The following GFRA2 variants were observed in gnomAD, a reference collection of about 807,000 sequenced individuals.
GFRA2 encodes the protein GDNF family receptor alpha 2, also known as GDNF family receptor alpha-2.
GFRA2 carries 17 observed loss-of-function variants against 48.3 expected under a neutral mutation model. The observed-to-expected ratio is 0.35, with a 90% CI of 0.24 to 0.53. The LOEUF is 0.53. GFRA2 is among the 20% of genes least tolerant of loss of function. The probability of loss-of-function intolerance (pLI) is 0.93; values close to 1 mark genes in which losing one functional copy is unlikely to be tolerated. For missense variants in GFRA2, 660 were observed against 637.3 expected (o/e 1.04, Z -0.38); for synonymous variants, 305 against 257.2 (o/e 1.19, Z -1.78).
intron 3 of GFRA2, among the ~76,000 whole-genome samples, chr8:21,762,886 A>G (rs1805980818): frequency 6.6e-6 from 1 of 152,110 alleles, no homozygotes; most frequent in Non-Finnish European, 1.5e-5. Flanking sequence ...GTTGGGTTTA[A>G]TTTTGTATTT....
chr8:21,728,263 A>AG (rs1176804216), intron 4 of GFRA2, among the ~76,000 whole-genome samples: 1 of 91,800 alleles, frequency 1.1e-5, no homozygotes, highest in Non-Finnish European at 2.2e-5. Context: ...TCCGGGAACC[A>AG]GGTTTTTTTT....
chr8:21,778,049 G>A (rs1320640864), intron 2 of GFRA2, among the ~76,000 whole-genome samples: 1 of 152,212 alleles, frequency 6.6e-6, no homozygotes, highest in Non-Finnish European at 1.5e-5. Flanking sequence ...TAAGTCCCAG[G>A]AAGGCGGAGC....
At chr8:21,723,392 T>C (rs1295808978) in intron 4 of GFRA2, among the ~76,000 whole-genome samples, 1 of 151,814 alleles carries the variant, frequency 6.6e-6, no homozygotes, top group Non-Finnish European at 1.5e-5. Flanking sequence ...TGAGTCTAAA[T>C]CCAGACACAA....
intron 7 of GFRA2, 79 bp downstream of exon 7, chr8:21,702,726 C>T (rs552771331): frequency 2.1e-6 from 3 of 1,414,204 alleles, no homozygotes; most frequent in East Asian, 2.6e-5. Context: ...ACCCTCCCTC[C>T]CTGGCCTCAG....
chr8:21,747,723 T>C lies in GFRA2; in HGVS notation c.794+2865A>G, dbSNP rs1805075362. ...CCCAATGCCTCTACTTCTGCCTCCC[T>C]GCCAGGCCGGGCCCACTGCGGTCCA... On this transcript the variant is annotated intron_variant, in intron 4 of 8. Coordinates refer to ENST00000524240, the MANE Select transcript of GFRA2 (RefSeq NM_001495.5). Among the ~76,000 whole-genome samples, 3 of 149,676 alleles carry C rather than the reference T, an allele frequency of 2.0e-5. No homozygotes were observed. In the South Asian group the frequency reaches 6.3e-4, roughly 31 times the overall value.
chr8:21,785,694 A>G (rs1450340690), intron 1 of GFRA2, among the ~76,000 whole-genome samples: 1 of 151,934 alleles, frequency 6.6e-6, no homozygotes, highest in Non-Finnish European at 1.5e-5. Context: ...CAACACCCCC[A>G]CCCGAGTCAC....
At chr8:21,723,003 G>C (rs1803680814) in intron 4 of GFRA2, among the ~76,000 whole-genome samples, 1 of 152,218 alleles carries the variant, frequency 6.6e-6, no homozygotes, top group Non-Finnish European at 1.5e-5. Flanking sequence ...AGAGGAGGCA[G>C]TCACTGGGTC....
chr8:21,749,698 G>C (rs1416767589), intron 4 of GFRA2, among the ~76,000 whole-genome samples: 1 of 151,640 alleles, frequency 6.6e-6, no homozygotes, highest in Non-Finnish European at 1.5e-5. Flanking sequence ...TATAAAGCCA[G>C]CTCACTCTGT....
At chr8:21,766,678 T>TG (rs1411920157) in intron 3 of GFRA2, among the ~76,000 whole-genome samples, 1 of 114,684 alleles carries the variant, frequency 8.7e-6, no homozygotes, top group South Asian at 2.7e-4. Context: ...AACAGGGGCC[T>TG]GGGGGGTCAT....
chr8:21,797,386 G>A, intron 2 of GFRA2: 1 of 137,482 alleles, frequency 7.3e-6, no homozygotes, highest in Non-Finnish European at 1.5e-5. Flanking sequence ...AGCCTCCCCA[G>A]GCTCAGGTGA....
At chr8:21,786,989 C>T (rs1376460195) in intron 1 of GFRA2, among the ~76,000 whole-genome samples, 1 of 151,902 alleles carries the variant, frequency 6.6e-6, no homozygotes, top group Non-Finnish European at 1.5e-5. Flanking sequence ...TCCTTACAAA[C>T]ACACTCACAC....
At chr8:21,742,034 C>A (rs964471684) in intron 4 of GFRA2, among the ~76,000 whole-genome samples, 1 of 151,888 alleles carries the variant, frequency 6.6e-6, no homozygotes, top group African/African-American at 2.4e-5. Flanking sequence ...AGGAAAGCCA[C>A]GTGATGTCAC....
chr8:21,704,115 G>A (rs1057457442), intron 6 of GFRA2, among the ~76,000 whole-genome samples: 20 of 152,216 alleles, frequency 1.3e-4, no homozygotes, highest in African/African-American at 4.6e-4. Flanking sequence ...GCAAGGCTAC[G>A]TGATTGGCAG....
chr8:21,731,547 C>T (rs979283867), intron 4 of GFRA2, among the ~76,000 whole-genome samples: 3 of 152,092 alleles, frequency 2.0e-5, no homozygotes, highest in African/African-American at 7.2e-5. Flanking sequence ...TGGCAGCCTG[C>T]CAGGAATGAG....
rs910109998 is a variant in GFRA2 at position 21,769,459 on chromosome 8, G to A, written c.439+5513C>T. 4.0e-4 allele frequency among the ~76,000 whole-genome samples: 61 copies of A among 152,312 alleles called. No individual in the cohort carries two copies. The East Asian group carries it at 0.011, about 28-fold the overall frequency. On this transcript the variant is annotated intron_variant, in intron 3 of 8. Transcript: ENST00000524240. ...GCACCTAGGGTGCTCCTGTGCCCTG[G>A]CACGCTGCATGCCAGTGCTTGCAGG...
At position 21,782,787 on chromosome 8, in the gene GFRA2, G is replaced by T; in HGVS notation, c.153C>A (p.Ser51=). 6.3e-7 allele frequency: 1 copy of T among 1,586,888 alleles called. No individual in the cohort carries two copies. Among genetic ancestry groups the T allele is most frequent in the East Asian group, 2.3e-5 (1 of 43,670 alleles). ...GAGTGCGGTAGCGAGAGCTGCAGTT[G>T]GATTCGGCGGCACACAGCTCATTGG... The part of the protein sequence containing the change: ...VRANELCAAE[S]NCSSRYRTLR... The change falls in exon 2 of 9, where the codon TCC becomes TCA. Residue 51 remains serine (S), a synonymous_variant. Coordinates refer to ENST00000524240, the MANE Select transcript of GFRA2 (RefSeq NM_001495.5).
At chr8:21,709,309 C>G (rs769434932) in intron 4 of GFRA2, among the ~76,000 whole-genome samples, 1 of 152,240 alleles carries the variant, frequency 6.6e-6, no homozygotes, top group Non-Finnish European at 1.5e-5. Flanking sequence ...GCTACACACA[C>G]ATAGCCTGGA....
At chr8:21,749,888 G>A (rs1049338470) in intron 4 of GFRA2, among the ~76,000 whole-genome samples, 1 of 151,916 alleles carries the variant, frequency 6.6e-6, no homozygotes, top group Non-Finnish European at 1.5e-5. Context: ...CACGTCACAG[G>A]GTTATTGTGA....
At chr8:21,790,872 G>T (rs940214495), upstream of GFRA2, among the ~76,000 whole-genome samples, 2 of 152,164 alleles carry the variant, frequency 1.3e-5, no homozygotes, top group African/African-American at 4.8e-5. Context: ...ATAAGTGTAG[G>T]TTAAAAGATA....
Sources: gnomAD v4.1 joint callset for allele counts (sites outside exome capture counted in the v4.1 genomes callset) on GRCh38, gnomAD v4.1.1 for gene constraint, MANE v1.5 for transcripts, NCBI Gene and HGNC (gene_info 2026-07-23, HGNC 2026-07-21) for gene names.